BUB3: variants seen among roughly 807,000 people sequenced by gnomAD.
The protein encoded by BUB3 is BUB3 mitotic checkpoint protein.
Under a neutral mutation model 39.9 loss-of-function variants are expected in BUB3, and 22 were observed. That is an observed-to-expected ratio of 0.55 (90% CI 0.39 to 0.79). The LOEUF (loss-of-function observed/expected upper bound fraction) is 0.79, where lower values mean the gene tolerates loss of function less well. BUB3 is among the 30% of genes least tolerant of loss of function. The pLI is 0.00. For missense variants in BUB3, 303 were observed against 415.4 expected (o/e 0.73, Z 2.35); for synonymous variants, 168 against 155.1 (o/e 1.08, Z -0.62).
At position 123,155,683 on chromosome 10, in the gene BUB3, G is replaced by C. The variant is rs767697511; in HGVS notation, c.221G>C (p.Gly74Ala). The part of the protein sequence containing the change: ...FYDPTHAWSG[G>A]LDHQLKMHDL... Reference sequence around the variant, plus strand: ...GATCCAACGCATGCCTGGAGTGGAGGACTAGATCATCAATTGAAAATGCAT... The same window carrying C: ...GATCCAACGCATGCCTGGAGTGGAGCACTAGATCATCAATTGAAAATGCAT... Residue 74 changes from glycine (G) to alanine (A), a missense_variant, in exon 3 of 8, where the codon GGA (glycine) becomes GCA (alanine). By Grantham distance (60) the Gly-to-Ala change is moderately conservative (BLOSUM62 0). Coordinates refer to ENST00000368865, the MANE Select transcript of BUB3 (RefSeq NM_004725.4). 5 of 1,614,082 alleles carry C rather than the reference G, an allele frequency of 3.1e-6. No homozygotes were observed. Among genetic ancestry groups the C allele is most frequent in the Non-Finnish European group, 4.2e-6 (5 of 1,179,980 alleles).
Position 123,164,882 on chromosome 10 carries a change from A to G in BUB3, c.*1047A>G. 4.4e-6 allele frequency: 6 copies of G among 1,378,534 alleles called. No individual in the cohort carries two copies. Among genetic ancestry groups the G allele is most frequent in the East Asian group, 2.6e-5 (1 of 38,922 alleles). 85.4% of individuals were successfully genotyped at this position (1,378,534 alleles called of 1,614,324 possible). ...AAAATTTATATTAATTTGCAAATGTATGTCTCTGAGTAGGACTTGGACCTT... is the reference window on the plus strand; with the variant it reads ...AAAATTTATATTAATTTGCAAATGTGTGTCTCTGAGTAGGACTTGGACCTT... On this transcript the variant is annotated 3_prime_UTR_variant, in exon 8 of 8. Transcript: ENST00000368865.
chr10:123,157,561 G>T (rs567911801), intron 3 of BUB3, among the ~76,000 whole-genome samples, 168 bp from the exon 4 acceptor site: 14 of 152,370 alleles, frequency 9.2e-5, no homozygotes, highest in African/African-American at 3.4e-4. Flanking sequence ...GGATAACTTT[G>T]TAGTCATGGA....
chr10:123,155,422 A>G (rs555141538), intron 2 of BUB3, among the ~76,000 whole-genome samples: 2 of 152,224 alleles, frequency 1.3e-5, no homozygotes, highest in Non-Finnish European at 2.9e-5. Context: ...TTTAGGGGAA[A>G]TGTATGTTTA....
In BUB3 at chr10:123,155,107, T is replaced by C. The variant is rs1364410740; in HGVS notation, c.190T>C (p.Phe64Leu). ...QHTGAVLDCA[F>L]YDPTHAWSGG... ...CACCGGCGCCGTCCTGGACTGCGCC[T>C]TCTACGTAGGTGCCCTCCCGCCCTG... The change falls in exon 2 of 8, where the codon TTC (phenylalanine) becomes CTC (leucine). Residue 64 changes from phenylalanine to leucine, a missense_variant. Physicochemically the swap from Phe to Leu is conservative, Grantham distance 22. Coordinates refer to ENST00000368865, the MANE Select transcript of BUB3 (RefSeq NM_004725.4). 6.2e-7 allele frequency: 1 copy of C among 1,613,470 alleles called. No individual in the cohort carries two copies. Among genetic ancestry groups the C allele is most frequent in the African/African-American group, 1.3e-5 (1 of 74,896 alleles).
Position 123,158,955 on chromosome 10 carries a change from G to T in BUB3, c.417+1075G>T, listed in dbSNP as rs565578592. ...GGATAGAAAGCACTATTAGAAGCTT[G>T]TGTGTCACCTATATAGTAAAGATTT... On this transcript the variant is annotated intron_variant, in intron 4 of 7. Coordinates refer to ENST00000368865, the MANE Select transcript of BUB3 (RefSeq NM_004725.4). Among the ~76,000 whole-genome samples the T allele has an allele frequency of 1.6e-4, 25 of 152,236 alleles. No homozygotes were observed. The East Asian group carries it at 4.8e-3, about 29-fold the overall frequency.
chr10:123,163,828 G>GT lies in BUB3; in HGVS notation c.981dup (p.Thr328TyrfsTer29), dbSNP rs1308979628. On this transcript the variant is annotated frameshift_variant, in exon 8 of 8. Transcript: ENST00000368865. LOFTEE classifies it high-confidence loss of function. ...TTCTTTTGAACTTGTAGGTCACCAT[G>GT]TACTTGACAAGATTTCATTTACTTA... The GT allele has an allele frequency of 6.2e-7, 1 of 1,608,336 alleles. No individual in the cohort carries two copies. The highest frequency in any genetic ancestry group is 8.5e-7 in the Non-Finnish European group (1 of 1,175,734).
In BUB3 at chr10:123,164,698, A is replaced by T; in HGVS notation, c.*863A>T. The T allele has an allele frequency of 9.6e-7, 1 of 1,040,284 alleles. No homozygotes were observed. Among genetic ancestry groups the T allele is most frequent in the East Asian group, 7.8e-5 (1 of 12,892 alleles). 64.4% of individuals were successfully genotyped at this position (1,040,284 alleles called of 1,614,324 possible). ...TTTCTCTGACATTTATATAGTTCTT[A>T]TGTCCATTTCAGTTGACCAGCCGCT... On this transcript the variant is annotated 3_prime_UTR_variant, in exon 8 of 8. Coordinates refer to ENST00000368865, the MANE Select transcript of BUB3 (RefSeq NM_004725.4).
At chr10:123,158,968 A>G (rs1329054882) in intron 4 of BUB3, among the ~76,000 whole-genome samples, 1 of 152,232 alleles carries the variant, frequency 6.6e-6, no homozygotes, top group Non-Finnish European at 1.5e-5. Context: ...TGTCACCTAT[A>G]TAGTAAAGAT....
Position 123,169,295 on chromosome 10 carries a change from A to C in BUB3, c.*5460A>C, listed in dbSNP as rs1844525347. 6.6e-6 allele frequency: 1 copy of C among 152,270 alleles called. No homozygotes were observed. The highest frequency in any genetic ancestry group is 2.4e-5 in the African/African-American group (1 of 41,478). The allele number at this position is 152,270 out of a possible 1,614,324, so 9.4% of individuals were successfully genotyped here. On this transcript the variant is annotated 3_prime_UTR_variant, in exon 8 of 8. Coordinates refer to ENST00000368865, the MANE Select transcript of BUB3 (RefSeq NM_004725.4). ...CATAAATATCTTGCTTCATGCACTT[A>C]ATATGAAATTTTGCCCATGATTTAT...
intron 1 of BUB3, 37 bp downstream of exon 1, chr10:123,154,522 C>T (rs539395930): frequency 3.1e-4 from 52 of 167,304 alleles, no homozygotes; most frequent in Non-Finnish European, 5.8e-4. Context: ...GGAGCGGGCT[C>T]TCCAGGGACT....
chr10:123,163,933 T>G lies in BUB3; in HGVS notation c.*98T>G. 2 of 1,369,084 alleles carry G rather than the reference T, an allele frequency of 1.5e-6. No homozygotes were observed. Among genetic ancestry groups the G allele is most frequent in the South Asian group, 3.4e-5 (2 of 58,680 alleles). 84.8% of individuals were successfully genotyped at this position (1,369,084 alleles called of 1,614,324 possible). On this transcript the variant is annotated 3_prime_UTR_variant, in exon 8 of 8. Transcript: ENST00000368865. Reference sequence around the variant, plus strand: ...ACTATTAAAGAAACCAGGGAAAATATTAATTTTAATATTATAACAACCTGA... The same window carrying G: ...ACTATTAAAGAAACCAGGGAAAATAGTAATTTTAATATTATAACAACCTGA...
In BUB3 at chr10:123,170,148, A is replaced by G. The variant is rs777314574; in HGVS notation, c.*6313A>G. The G allele has an allele frequency of 1.3e-5, 2 of 152,208 alleles. No homozygotes were observed. The highest frequency in any genetic ancestry group is 4.8e-5 in the African/African-American group (2 of 41,456). 9.4% of individuals were successfully genotyped at this position (152,208 alleles called of 1,614,324 possible). ...ATGGAGTTAGGAACAAGTATGTTAA[A>G]TATTTATCAGAGTGTGCCTGACAGT... is the stretch of plus-strand genomic sequence containing the variant. On this transcript the variant is annotated 3_prime_UTR_variant, in exon 8 of 8. Transcript: ENST00000368865.
At position 123,164,002 on chromosome 10, in the gene BUB3, C is replaced by T; in HGVS notation, c.*167C>T. On this transcript the variant is annotated 3_prime_UTR_variant, in exon 8 of 8. Transcript: ENST00000368865. ...TTTTGAATTTTTTTTTTTAAATAAA[C>T]ACCTTCTTAAGTGCATGAGATGGTT... 7.5e-7 allele frequency: 1 copy of T among 1,327,408 alleles called. No individual in the cohort carries two copies. The highest frequency in any genetic ancestry group is 9.7e-7 in the Non-Finnish European group (1 of 1,036,256). The allele number at this position is 1,327,408 out of a possible 1,614,324, so 82.2% of individuals were successfully genotyped here.
Position 123,167,561 on chromosome 10 carries a change from T to C in BUB3, c.*3726T>C, listed in dbSNP as rs1216169969. On this transcript the variant is annotated 3_prime_UTR_variant, in exon 8 of 8. Coordinates refer to ENST00000368865, the MANE Select transcript of BUB3 (RefSeq NM_004725.4). Reference sequence around the variant, plus strand: ...ACATGACTGTTGGACCACTTTGATATTGCTGAATTATATAGACTCCTTTTA... The same window carrying C: ...ACATGACTGTTGGACCACTTTGATACTGCTGAATTATATAGACTCCTTTTA... The C allele has an allele frequency of 6.6e-6, 1 of 152,190 alleles. No homozygotes were observed. Among genetic ancestry groups the C allele is most frequent in the Non-Finnish European group, 1.5e-5 (1 of 68,040 alleles). 9.4% of individuals were successfully genotyped at this position (152,190 alleles called of 1,614,324 possible).
intron 5 of BUB3, among the ~76,000 whole-genome samples, chr10:123,161,125 C>T (rs1164235130): frequency 2.6e-5 from 4 of 152,006 alleles, no homozygotes; most frequent in South Asian, 2.1e-4. Context: ...CTTCCATCAT[C>T]GCTAAATGAT....
chr10:123,164,322 CATT>C lies in BUB3; in HGVS notation c.*491_*493del, dbSNP rs1416321373. 1.0e-6 allele frequency: 1 copy of C among 985,692 alleles called. No homozygotes were observed. The highest frequency in any genetic ancestry group is 1.7e-5 in the African/African-American group (1 of 57,192). The allele number at this position is 985,692 out of a possible 1,614,324, so 61.1% of individuals were successfully genotyped here. ...TAAACAATATTTCCTCTTGGCCGTC[CATT>C]ATTTTCTGAAGCAGATGGTTCATCA... On this transcript the variant is annotated 3_prime_UTR_variant, in exon 8 of 8. Coordinates refer to ENST00000368865, the MANE Select transcript of BUB3 (RefSeq NM_004725.4).
intron 4 of BUB3, 61 bp from the exon 5 acceptor site, chr10:123,160,346 G>A: frequency 2.8e-6 from 4 of 1,413,774 alleles, no homozygotes; most frequent in Non-Finnish European, 3.7e-6. Flanking sequence ...TTTATTTTGG[G>A]GCAAAATGCC....
rs763864787 is a variant in BUB3 at position 123,157,752 on chromosome 10, G to T, written c.289G>T (p.Ala97Ser). The change falls in exon 4 of 8, where the codon GCC becomes TCC. Residue 97 changes from alanine (A) to serine (S), a missense_variant. Coordinates refer to ENST00000368865, the MANE Select transcript of BUB3 (RefSeq NM_004725.4). ...AGAAAATCTTGTTGGGACCCATGAT[G>T]CCCCTATCAGATGTGTTGAATACTG... ...DQENLVGTHDAPIRCVEYCPE... is the reference protein window; with the variant it reads ...DQENLVGTHDSPIRCVEYCPE... The T allele has an allele frequency of 2.5e-6, 4 of 1,604,124 alleles. No individual in the cohort carries two copies. In the Admixed American group the frequency reaches 5.1e-5, roughly 20 times the overall value.
Position 123,164,364 on chromosome 10 carries a change from T to TAA in BUB3, c.*531_*532dup, listed in dbSNP as rs979091214. On this transcript the variant is annotated 3_prime_UTR_variant, in exon 8 of 8. Transcript: ENST00000368865. ...GATGGTTCATCATTTCCTGGGCTGT[T>TAA]AAACAAAGCGAGGTTAAGGTTAGAC... is the stretch of plus-strand genomic sequence containing the variant. The TAA allele has an allele frequency of 2.0e-6, 2 of 985,812 alleles. No homozygotes were observed. Among genetic ancestry groups the TAA allele is most frequent in the Non-Finnish European group, 2.4e-6 (2 of 830,248 alleles). 61.1% of individuals were successfully genotyped at this position (985,812 alleles called of 1,614,324 possible). A position where few individuals can be genotyped will look rare whatever the true frequency, so the allele number is the denominator to read the frequency against.
Sources: allele counts gnomAD v4.1 joint callset (sites outside exome capture counted in the v4.1 genomes callset), GRCh38; gene constraint gnomAD v4.1.1; transcripts MANE v1.5; gene names NCBI Gene and HGNC (gene_info 2026-07-23, HGNC 2026-07-21).